The following GAS7 variants were observed in gnomAD, a reference collection of about 807,000 sequenced individuals.
GAS7 encodes growth arrest specific 7.
A neutral mutation model predicts 71.1 loss-of-function variants in GAS7; 28 were observed. The observed-to-expected ratio is 0.39, with a 90% CI of 0.29 to 0.54. The LOEUF (loss-of-function observed/expected upper bound fraction) is 0.54, where lower values mean the gene tolerates loss of function less well. Ranked by LOEUF, GAS7 falls within the 20% of genes least tolerant of loss-of-function variation. The pLI is 0.62. For synonymous variants in GAS7, 258 were observed against 245.8 expected (o/e 1.05, Z -0.46); for missense variants, 436 against 627.8 (o/e 0.69, Z 3.27).
Position 10,021,828 on chromosome 17 carries a change from A to ATGTGTGCGTG in GAS7, c.184-1941_184-1932dup, listed in dbSNP as rs1054624180. ...GACAAATAGGATTATAACAACGTGC[A>ATGTGTGCGTG]TGTGTGCGTGTGTGTGCGTGTGCAT... On this transcript the variant is annotated intron_variant, in intron 1 of 13. Transcript: ENST00000432992. Among the ~76,000 whole-genome samples the ATGTGTGCGTG allele has an allele frequency of 7.2e-5, 11 of 152,328 alleles. No individual in the cohort carries two copies. In the South Asian group the frequency reaches 1.7e-3, roughly 23 times the overall value.
At chr17:10,169,127 G>C (rs900462049) in intron 1 of GAS7, among the ~76,000 whole-genome samples, 20 of 151,712 alleles carry the variant, frequency 1.3e-4, no homozygotes, top group African/African-American at 2.7e-4. Context: ...ATACAAAATA[G>C]CCAGGCATGG....
chr17:10,194,858 C>CAAAA (rs5819269), intron 1 of GAS7, among the ~76,000 whole-genome samples: 28 of 85,164 alleles, frequency 3.3e-4, no homozygotes, highest in African/African-American at 6.6e-4. Flanking sequence ...GACTCTGTCT[C>CAAAA]AAAAAAAAAA....
chr17:9,914,818 T>C lies in GAS7; in HGVS notation c.*2410A>G, dbSNP rs924396544. ...CTAGAGCGCCGCTTCTCAGCATGCC[T>C]GGCTTGTCTTGAGCATTCGCTGAAT... is the stretch of plus-strand genomic sequence containing the variant. On this transcript the variant is annotated 3_prime_UTR_variant, in exon 14 of 14. Coordinates refer to ENST00000432992, the MANE Select transcript of GAS7 (RefSeq NM_201433.2). 1 of 230,092 alleles carries C rather than the reference T, an allele frequency of 4.3e-6. No individual in the cohort carries two copies. Among genetic ancestry groups the C allele is most frequent in the Non-Finnish European group, 8.6e-6 (1 of 116,136 alleles). The allele number at this position is 230,092 out of a possible 1,614,324, so 14.3% of individuals were successfully genotyped here.
Position 10,005,269 on chromosome 17 carries a change from A to G in GAS7, c.304+14508T>C, listed in dbSNP as rs1327527469. ...TGCATGTGTGTGCACACATACATGT[A>G]TGTATATGTATATACATGCATACAT... is the stretch of plus-strand genomic sequence containing the variant. On this transcript the variant is annotated intron_variant, in intron 2 of 13. Coordinates refer to ENST00000432992, the MANE Select transcript of GAS7 (RefSeq NM_201433.2). 6.0e-4 allele frequency among the ~76,000 whole-genome samples: 90 copies of G among 149,110 alleles called. 1 individual carries two copies. Among genetic ancestry groups the G allele is most frequent in the African/African-American group, 2.2e-3 (87 of 39,150 alleles).
At chr17:10,012,708 G>A (rs956461921) in intron 2 of GAS7, among the ~76,000 whole-genome samples, 3 of 152,280 alleles carry the variant, frequency 2.0e-5, no homozygotes, top group South Asian at 2.1e-4. Flanking sequence ...CCAAATTCAC[G>A]TGTTGAAACC....
chr17:9,988,976 A>G (rs1597622259), intron 2 of GAS7, among the ~76,000 whole-genome samples: 1 of 151,850 alleles, frequency 6.6e-6, no homozygotes, highest in Non-Finnish European at 1.5e-5. Flanking sequence ...AGCCTCCTGA[A>G]GAGCTGGGAC....
chr17:9,924,519 C>A (rs1318951724), intron 11 of GAS7: 4 of 120,488 alleles, frequency 3.3e-5, no homozygotes, highest in African/African-American at 1.8e-4. Context: ...GATCTCTTCC[C>A]CTTCTGTGCC....
intron 1 of GAS7, among the ~76,000 whole-genome samples, chr17:10,122,058 C>T (rs2073908836): frequency 6.6e-6 from 1 of 152,168 alleles, no homozygotes; most frequent in East Asian, 1.9e-4. Flanking sequence ...ACGGCACACA[C>T]CAAGGCCCAA....
chr17:10,198,191 C>T lies in GAS7; in HGVS notation c.183+17G>A. The T allele has an allele frequency of 6.2e-7, 1 of 1,605,072 alleles. No homozygotes were observed. The highest frequency in any genetic ancestry group is 8.5e-7 in the Non-Finnish European group (1 of 1,177,586). Reference sequence around the variant, plus strand: ...ACCGCAGCCCCGGCTCCTACAGCCCCGGCCCTCGCCCCTTACCTCCAGCAA... The same window carrying T: ...ACCGCAGCCCCGGCTCCTACAGCCCTGGCCCTCGCCCCTTACCTCCAGCAA... On this transcript the variant is annotated intron_variant, in intron 1 of 13. Coordinates refer to ENST00000432992, the MANE Select transcript of GAS7 (RefSeq NM_201433.2).
intron 1 of GAS7, among the ~76,000 whole-genome samples, chr17:10,089,772 A>G (rs2073561029): frequency 6.6e-6 from 1 of 152,202 alleles, no homozygotes. Flanking sequence ...TTATAACAGG[A>G]ACCTGGTAGT....
intron 2 of GAS7, among the ~76,000 whole-genome samples, chr17:10,017,423 C>T (rs1033443169): frequency 4.6e-5 from 7 of 151,880 alleles, no homozygotes; most frequent in African/African-American, 7.2e-5. Context: ...CCACCTCACG[C>T]GTTCAAGCGA....
intron 1 of GAS7, among the ~76,000 whole-genome samples, chr17:10,065,363 C>A (rs963848815): frequency 1.3e-5 from 2 of 152,186 alleles, no homozygotes; most frequent in Non-Finnish European, 2.9e-5. Context: ...TCTCACAGTT[C>A]TGGATGCCAA....
chr17:9,951,431 C>T (rs2069001564), intron 5 of GAS7, among the ~76,000 whole-genome samples: 1 of 151,934 alleles, frequency 6.6e-6, no homozygotes, highest in South Asian at 2.1e-4. Flanking sequence ...TTGGCCTTGC[C>T]CTCTTGTCGG....
chr17:10,011,695 G>A (rs976843267), intron 2 of GAS7, among the ~76,000 whole-genome samples: 1 of 152,184 alleles, frequency 6.6e-6, no homozygotes, highest in Admixed American at 6.5e-5. Flanking sequence ...ACCATCTCAA[G>A]GCCGGGTGCG....
chr17:10,161,881 G>A lies in GAS7; in HGVS notation c.183+36327C>T, dbSNP rs551672710. Among the ~76,000 whole-genome samples, 6 of 151,992 alleles carry A rather than the reference G, an allele frequency of 3.9e-5. No individual in the cohort carries two copies. The South Asian group carries it at 6.2e-4, about 16-fold the overall frequency. On this transcript the variant is annotated intron_variant, in intron 1 of 13. Transcript: ENST00000432992. The stretch of plus-strand genomic sequence containing the variant: ...AGATCGAGACCATCCTGGTTAACGC[G>A]GTGAAACCCCGTCTCTACTAAAAAA...
intron 1 of GAS7, among the ~76,000 whole-genome samples, chr17:10,174,548 C>T (rs886163470): frequency 6.6e-6 from 1 of 152,020 alleles, no homozygotes; most frequent in African/African-American, 2.4e-5. Context: ...AAAAATTAGC[C>T]GGGCGCAGTG....
In GAS7 at chr17:10,159,065, CATATATATATAT is replaced by C. The variant is rs745794234; in HGVS notation, c.183+39131_183+39142del. Among the ~76,000 whole-genome samples the C allele has an allele frequency of 9.2e-4, 55 of 60,000 alleles. 11 individuals carry two copies. Among genetic ancestry groups the C allele is most frequent in the South Asian group, 7.1e-3 (11 of 1,552 alleles). 39.4% of individuals were successfully genotyped at this position (60,000 alleles called of 152,430 possible). A position where few individuals can be genotyped will look rare whatever the true frequency, so the allele number is the denominator to read the frequency against. Reference sequence around the variant, plus strand: ...ACAGAGTGAGACACTGTCTCTAAAACATATATATATATATATATATATATATATATATTAAAG... The same window carrying C: ...ACAGAGTGAGACACTGTCTCTAAAACATATATATATATATATATATTAAAG... On this transcript the variant is annotated intron_variant, in intron 1 of 13. Transcript: ENST00000432992.
At chr17:9,939,888 G>A (rs2068538423) in intron 8 of GAS7, among the ~76,000 whole-genome samples, 1 of 152,196 alleles carries the variant, frequency 6.6e-6, no homozygotes, top group African/African-American at 2.4e-5. Flanking sequence ...GATAATGGGT[G>A]TGAGCCACCC....
At chr17:10,195,583 G>A (rs2074534793) in intron 1 of GAS7, among the ~76,000 whole-genome samples, 1 of 152,150 alleles carries the variant, frequency 6.6e-6, no homozygotes, top group Non-Finnish European at 1.5e-5. Context: ...TCCAACAGCT[G>A]CCCTGGCCTT....
Sources: gnomAD v4.1 joint callset for allele counts (sites outside exome capture counted in the v4.1 genomes callset) on GRCh38, gnomAD v4.1.1 for gene constraint, MANE v1.5 for transcripts, NCBI Gene and HGNC (gene_info 2026-07-23, HGNC 2026-07-21) for gene names.